CERS6: variants seen among roughly 807,000 people sequenced by gnomAD.
CERS6 encodes the protein LAG1 homolog, ceramide synthase 6.
CERS6 carries 26 observed loss-of-function variants against 56.8 expected under a neutral mutation model. The ratio of observed to expected loss-of-function variants is 0.46; its 90% CI spans 0.34 to 0.63. The LOEUF (loss-of-function observed/expected upper bound fraction) is 0.63, where lower values mean the gene tolerates loss of function less well. CERS6 is among the 30% of genes least tolerant of loss of function. CERS6 has a pLI of 0.01. For synonymous variants in CERS6, 164 were observed against 173.3 expected (o/e 0.95, Z 0.42); for missense variants, 415 against 467.5 (o/e 0.89, Z 1.04).
intron 1 of CERS6, among the ~76,000 whole-genome samples, chr2:168,510,656 T>C (rs1296544192): frequency 6.6e-6 from 1 of 152,224 alleles, no homozygotes; most frequent in Non-Finnish European, 1.5e-5. Context: ...CCAAGAGCTA[T>C]GATTACATTT....
chr2:168,644,166 GTGA>G (rs1685118154), intron 4 of CERS6: 4 of 960,664 alleles, frequency 4.2e-6, no homozygotes, highest in Non-Finnish European at 5.0e-6. Flanking sequence ...AAGTGCTGTA[GTGA>G]TGATGAAAAT....
intron 4 of CERS6, among the ~76,000 whole-genome samples, chr2:168,668,383 T>G (rs541570312): frequency 6.6e-6 from 1 of 151,866 alleles, no homozygotes; most frequent in Non-Finnish European, 1.5e-5. Context: ...CAGCATGTCC[T>G]AAGGAGTCCT....
intron 8 of CERS6, among the ~76,000 whole-genome samples, chr2:168,731,320 A>G (rs1028137910): frequency 6.6e-6 from 1 of 152,186 alleles, no homozygotes; most frequent in Non-Finnish European, 1.5e-5. Context: ...GAAGCAGCAC[A>G]AGACTGTGAA....
At chr2:168,497,244 C>T (rs1441676722) in intron 1 of CERS6, among the ~76,000 whole-genome samples, 3 of 152,066 alleles carry the variant, frequency 2.0e-5, no homozygotes, top group Admixed American at 1.3e-4. Flanking sequence ...TTGTCTAGTC[C>T]GACTAGAAGG....
intron 4 of CERS6, among the ~76,000 whole-genome samples, chr2:168,660,600 A>G (rs1402418546): frequency 2.0e-5 from 3 of 152,242 alleles, no homozygotes; most frequent in East Asian, 1.9e-4. Context: ...GACTTTTTAA[A>G]TATGTTCACT....
intron 3 of CERS6, among the ~76,000 whole-genome samples, chr2:168,615,081 G>C (rs538244641): frequency 6.6e-6 from 1 of 152,140 alleles, no homozygotes; most frequent in African/African-American, 2.4e-5. Context: ...CCAGAGCCTG[G>C]TAGACCTGCT....
intron 8 of CERS6, among the ~76,000 whole-genome samples, chr2:168,743,429 A>T (rs977957247): frequency 6.6e-6 from 1 of 152,104 alleles, no homozygotes; most frequent in East Asian, 1.9e-4. Context: ...GAGCCTAGGC[A>T]TTCAAGACCA....
At chr2:168,699,586 T>C (rs1686753825) in intron 6 of CERS6, among the ~76,000 whole-genome samples, 1 of 152,168 alleles carries the variant, frequency 6.6e-6, no homozygotes, top group Non-Finnish European at 1.5e-5. Context: ...AAACTCTTCT[T>C]TTTTGGCACC....
intron 1 of CERS6, among the ~76,000 whole-genome samples, chr2:168,508,509 C>T (rs1158496332): frequency 2.0e-5 from 3 of 152,156 alleles, no homozygotes; most frequent in Non-Finnish European, 2.9e-5. Context: ...TCAATGCACC[C>T]CTTCTTAAAA....
intron 4 of CERS6, among the ~76,000 whole-genome samples, chr2:168,657,022 T>A (rs1685494097): frequency 6.6e-6 from 1 of 152,164 alleles, no homozygotes; most frequent in African/African-American, 2.4e-5. Context: ...AGGGTGCTGA[T>A]TGGTGTGTTT....
chr2:168,503,625 T>A (rs1694623379), intron 1 of CERS6, among the ~76,000 whole-genome samples: 1 of 152,192 alleles, frequency 6.6e-6, no homozygotes, highest in Admixed American at 6.6e-5. Context: ...GCTTGTTGAC[T>A]GTAATACCCA....
intron 3 of CERS6, among the ~76,000 whole-genome samples, chr2:168,571,213 C>T (rs1695979792): frequency 6.6e-6 from 1 of 152,068 alleles, no homozygotes; most frequent in Admixed American, 6.6e-5. Flanking sequence ...CCCTCCTTTG[C>T]AGTCACTTCC....
intron 1 of CERS6, among the ~76,000 whole-genome samples, chr2:168,478,080 A>G (rs1694111185): frequency 1.2e-5 from 1 of 84,064 alleles, no homozygotes; most frequent in African/African-American, 4.6e-5. Context: ...ATGTAGTCTG[A>G]TCATTCAGGG....
chr2:168,767,439 A>C (rs12692886), intron 9 of CERS6, among the ~76,000 whole-genome samples: 3 of 152,300 alleles, frequency 2.0e-5, no homozygotes, highest in South Asian at 2.1e-4. Flanking sequence ...AATGGACTTA[A>C]CAACATAGTG....
At chr2:168,475,258 A>C (rs796783596) in intron 1 of CERS6, among the ~76,000 whole-genome samples, 7 of 152,284 alleles carry the variant, frequency 4.6e-5, no homozygotes, top group African/African-American at 1.7e-4. Flanking sequence ...TATTCTTGCC[A>C]CCAGAATTCA....
intron 3 of CERS6, among the ~76,000 whole-genome samples, chr2:168,619,355 C>T (rs995775550): frequency 6.6e-6 from 1 of 151,958 alleles, no homozygotes; most frequent in Admixed American, 6.6e-5. Context: ...AGAGAAATGG[C>T]TGGGACTTAA....
chr2:168,657,623 G>T (rs542192538), intron 4 of CERS6, among the ~76,000 whole-genome samples: 3 of 152,228 alleles, frequency 2.0e-5, no homozygotes, highest in South Asian at 4.1e-4. Flanking sequence ...ATCAAGTGCA[G>T]CGCCTGTGGA....
chr2:168,529,603 C>T (rs1374542276), intron 1 of CERS6, among the ~76,000 whole-genome samples: 2 of 152,090 alleles, frequency 1.3e-5, no homozygotes, highest in Non-Finnish European at 2.9e-5. Flanking sequence ...GTGTCACCAA[C>T]TCAACAAAGT....
At chr2:168,519,369 T>A (rs893444202) in intron 1 of CERS6, among the ~76,000 whole-genome samples, 15 of 152,334 alleles carry the variant, frequency 9.8e-5, no homozygotes, top group African/African-American at 2.2e-4. Flanking sequence ...AATTTTCTTT[T>A]AAAAATTTTT....
Sources: allele counts gnomAD v4.1 joint callset (sites outside exome capture counted in the v4.1 genomes callset), GRCh38; gene constraint gnomAD v4.1.1; transcripts MANE v1.5; gene names NCBI Gene and HGNC (gene_info 2026-07-23, HGNC 2026-07-21).